Variants in FLACC1 observed in about 807,000 individuals in gnomAD.
FLACC1 encodes the protein flagellum associated containing coiled-coil domains 1, also known as flagellum-associated coiled-coil domain-containing protein 1.
FLACC1 carries 66 observed loss-of-function variants against 62.8 expected under a neutral mutation model. The ratio of observed to expected loss-of-function variants is 1.05; its 90% CI spans 0.86 to 1.29. The LOEUF is 1.29. Ranked by LOEUF, FLACC1 falls within the 50% of genes most tolerant of loss-of-function variation. FLACC1 has a pLI of 0.00. For synonymous variants in FLACC1, 156 were observed against 161.0 expected, an observed-to-expected ratio of 0.97 and a Z score of 0.24; for missense variants, 452 against 489.1, an observed-to-expected ratio of 0.92 and a Z score of 0.71.
At chr2:201,339,105 C>T (rs1011476851) in intron 7 of FLACC1, among the ~76,000 whole-genome samples, 21 of 151,552 alleles carry the variant, frequency 1.4e-4, no homozygotes, top group African/African-American at 4.9e-4. Context: ...CATTATTGGT[C>T]TTGAATAATT....
chr2:201,353,311 T>A (rs1341268861), intron 1 of FLACC1, among the ~76,000 whole-genome samples: 1 of 152,124 alleles, frequency 6.6e-6, no homozygotes, highest in Non-Finnish European at 1.5e-5. Flanking sequence ...ATGGGAAGAA[T>A]GAGTGGAATG....
chr2:201,312,277 A>G (rs1301701444), intron 9 of FLACC1, among the ~76,000 whole-genome samples: 1 of 152,234 alleles, frequency 6.6e-6, no homozygotes, highest in Non-Finnish European at 1.5e-5. Flanking sequence ...GCATTTCTAT[A>G]CACCAATAAT....
upstream of FLACC1, among the ~76,000 whole-genome samples, chr2:201,361,578 A>G (rs1177220119): frequency 2.0e-5 from 3 of 152,170 alleles, no homozygotes; most frequent in Non-Finnish European, 4.4e-5. Flanking sequence ...CCTTACATTT[A>G]TATATATGTA....
chr2:201,305,967 GA>G (rs1950096413), intron 11 of FLACC1, among the ~76,000 whole-genome samples: 1 of 151,784 alleles, frequency 6.6e-6, no homozygotes, highest in South Asian at 2.1e-4. Flanking sequence ...ATAGCATTAG[GA>G]GATATACTTA....
intron 9 of FLACC1, among the ~76,000 whole-genome samples, chr2:201,315,511 C>T (rs150626513): frequency 0.078 from 11,835 of 152,042 alleles, 603 homozygotes; most frequent in Middle Eastern, 0.13. Context: ...TATCACAATC[C>T]TAAATATATA....
intron 7 of FLACC1, among the ~76,000 whole-genome samples, chr2:201,340,895 T>G (rs534459195): frequency 1.3e-5 from 2 of 152,302 alleles, no homozygotes; most frequent in East Asian, 1.9e-4. Flanking sequence ...TGGTAGGCAG[T>G]TTTTTCCTTC....
chr2:201,330,968 A>AAT, intron 7 of FLACC1, 135 bp from the exon 8 acceptor site: 3 of 608,778 alleles, frequency 4.9e-6, no homozygotes, highest in Non-Finnish European at 7.8e-6. Context: ...AAAATTTTTA[A>AAT]ATCTTTTTTT....
intron 7 of FLACC1, among the ~76,000 whole-genome samples, chr2:201,336,763 C>T (rs1950703404): frequency 6.6e-6 from 1 of 152,118 alleles, no homozygotes; most frequent in Non-Finnish European, 1.5e-5. Flanking sequence ...ACATTTCCAC[C>T]AACAGTATAT....
chr2:201,295,592 T>C (rs1949841677), intron 12 of FLACC1, among the ~76,000 whole-genome samples: 1 of 152,176 alleles, frequency 6.6e-6, no homozygotes, highest in Non-Finnish European at 1.5e-5. Flanking sequence ...ATTCAGGACA[T>C]AGGCATGGGC....
chr2:201,358,710 C>A (rs568391916), upstream of FLACC1, among the ~76,000 whole-genome samples: 12 of 152,242 alleles, frequency 7.9e-5, no homozygotes, highest in South Asian at 2.1e-3. Flanking sequence ...AGCCACTGCG[C>A]CCGGCCGCCC....
At chr2:201,316,524 C>T (rs1830298) in intron 9 of FLACC1, among the ~76,000 whole-genome samples, 109,447 of 151,918 alleles carry the variant, frequency 0.72, 39,783 homozygotes, top group South Asian at 0.83. Flanking sequence ...TTAGATACCC[C>T]GAACAGACCA....
intron 12 of FLACC1, among the ~76,000 whole-genome samples, chr2:201,291,036 C>T (rs1241620613): frequency 1.2e-4 from 18 of 152,152 alleles, no homozygotes; most frequent in South Asian, 2.1e-4. Flanking sequence ...CCAGGAAGCT[C>T]GAACTGGGTG....
rs1369461546 is a variant in FLACC1, at chr2:201,348,291, T to C, written c.197A>G (p.His66Arg). Residue 66 changes from histidine to arginine, a missense_variant, in exon 4 of 15, where the codon CAT becomes CGT. By Grantham distance (29) the His-to-Arg change is conservative. This residue lies in a region of FLACC1 where 147 missense variants were observed against 152.7 expected (regional missense o/e 0.96). Transcript: ENST00000392257. ...KPVVSPKMKIHSARQEETNKS... is the reference protein window; with the variant it reads ...KPVVSPKMKIRSARQEETNKS... ...ATTAGTCTCTTCTTGCCTTGCTGAA[T>C]GGATTTTCATTCTGCAAGAGAAAGA... is the stretch of plus-strand genomic sequence containing the variant. 4 of 1,612,696 alleles carry C rather than the reference T, an allele frequency of 2.5e-6. No individual in the cohort carries two copies. The highest frequency in any genetic ancestry group is 1.3e-5 in the African/African-American group (1 of 74,984).
intron 1 of FLACC1, among the ~76,000 whole-genome samples, chr2:201,352,973 C>A (rs920663128): frequency 1.3e-5 from 2 of 152,164 alleles, no homozygotes; most frequent in African/African-American, 4.8e-5. Context: ...CCCCTGGAGC[C>A]TCCGGAAGGA....
In FLACC1 at chr2:201,288,560, T is replaced by G; in HGVS notation, c.*95A>C. The G allele has an allele frequency of 6.8e-7, 1 of 1,460,302 alleles. No individual in the cohort carries two copies. The highest frequency in any genetic ancestry group is 1.3e-5 in the South Asian group (1 of 76,888). 90.5% of individuals were successfully genotyped at this position (1,460,302 alleles called of 1,614,324 possible). A position where few individuals can be genotyped will look rare whatever the true frequency, so the allele number is the denominator to read the frequency against. ...AGAGCAACCCAAGAACTAAACTCAT[T>G]ATATGCATTTTCTCAAGAAAACCCT... is the stretch of plus-strand genomic sequence containing the variant. On this transcript the variant is annotated 3_prime_UTR_variant, in exon 15 of 15. Coordinates refer to ENST00000392257, the MANE Select transcript of FLACC1 (RefSeq NM_001127391.3).
chr2:201,347,264 G>A (rs1015303781), intron 4 of FLACC1, among the ~76,000 whole-genome samples: 3 of 152,230 alleles, frequency 2.0e-5, no homozygotes, highest in African/African-American at 7.2e-5. Flanking sequence ...CTGGGGCTCT[G>A]AGAGCTGCGC....
rs187721894 is a variant in FLACC1 at position 201,289,808 on chromosome 2, A to T, written c.943-23T>A. ...GACCTGCATAAGAAGAAGCTGTTGC[A>T]GGACATCATGCCAATGTCTATTTAT... is the stretch of plus-strand genomic sequence containing the variant. On this transcript the variant is annotated intron_variant, in intron 12 of 14. Transcript: ENST00000392257. 169 of 1,614,200 alleles carry T rather than the reference A, an allele frequency of 1.0e-4. No individual in the cohort carries two copies. Among genetic ancestry groups the T allele is most frequent in the Non-Finnish European group, 1.4e-4 (164 of 1,180,032 alleles).
chr2:201,289,553 C>T lies in FLACC1; in HGVS notation c.1046G>A (p.Gly349Glu), dbSNP rs183137242. The change falls in exon 14 of 15, where the codon GGA becomes GAA. Residue 349 changes from glycine to glutamate, a missense_variant. Gly to Glu is a moderately conservative substitution (Grantham distance 98). This residue lies in a region of FLACC1 where 301 missense variants were observed against 318.4 expected (regional missense o/e 0.95). Transcript: ENST00000392257. ...GGTTTGAAGCATTTTCTCCAGATTT[C>T]CCACTATAGCTTTCTGAAAGACATA... ...LELQKEKAIVGNLEKMLQTKF... is the reference protein window; with the variant it reads ...LELQKEKAIVENLEKMLQTKF... 3.1e-6 allele frequency: 5 copies of T among 1,614,162 alleles called. No individual in the cohort carries two copies. The highest frequency in any genetic ancestry group is 3.4e-6 in the Non-Finnish European group (4 of 1,180,018).
chr2:201,318,794 C>A (rs1460005416), intron 9 of FLACC1, among the ~76,000 whole-genome samples: 1 of 152,184 alleles, frequency 6.6e-6, no homozygotes, highest in African/African-American at 2.4e-5. Flanking sequence ...ATGGCATCAA[C>A]ACAACTTGGA....
Sources: allele counts gnomAD v4.1 joint callset (sites outside exome capture counted in the v4.1 genomes callset), GRCh38; gene constraint gnomAD v4.1.1; regional missense constraint gnomAD v4.1.1; transcripts MANE v1.5; gene names NCBI Gene and HGNC (gene_info 2026-07-23, HGNC 2026-07-21).